The following RBFOX1 variants were observed in gnomAD, a reference collection of about 807,000 sequenced individuals.
RBFOX1 encodes RNA binding fox-1 homolog 1, also known as RNA binding protein fox-1 homolog 1.
In RBFOX1, 8 loss-of-function variants were observed where a neutral mutation model predicts 57.7. The ratio of observed to expected loss-of-function variants is 0.14; its 90% CI spans 0.08 to 0.25. The LOEUF is 0.25. RBFOX1 is among the 10% of genes least tolerant of loss of function. The probability of loss-of-function intolerance (pLI) is 1.00; values close to 1 mark genes in which losing one functional copy is unlikely to be tolerated. For synonymous variants in RBFOX1, 326 were observed against 222.4 expected, an observed-to-expected ratio of 1.47 and a Z score of -4.15; for missense variants, 611 against 548.5, an observed-to-expected ratio of 1.11 and a Z score of -1.14.
intron 10 of RBFOX1, among the ~76,000 whole-genome samples, chr16:7,613,643 T>C (rs1452088803): frequency 6.6e-6 from 1 of 152,162 alleles, no homozygotes; most frequent in Non-Finnish European, 1.5e-5. Context: ...GGTATTGGTT[T>C]TCTGTGGGCT....
At chr16:5,778,589 G>A (rs1567529629) in intron 3 of RBFOX1, among the ~76,000 whole-genome samples, 1 of 152,174 alleles carries the variant, frequency 6.6e-6, no homozygotes, top group Non-Finnish European at 1.5e-5. Context: ...CTTGCATGGC[G>A]TGCTGTGTCT....
chr16:5,659,588 C>T (rs1180369112), intron 3 of RBFOX1, among the ~76,000 whole-genome samples: 2 of 152,162 alleles, frequency 1.3e-5, no homozygotes, highest in Non-Finnish European at 2.9e-5. Flanking sequence ...CAGGTATGAG[C>T]CACACCGTGC....
chr16:7,675,264 T>C (rs2072927584), intron 13 of RBFOX1, among the ~76,000 whole-genome samples: 1 of 152,200 alleles, frequency 6.6e-6, no homozygotes, highest in Admixed American at 6.5e-5. Flanking sequence ...AGTGCTGTTA[T>C]AACTGCTTTG....
intron 4 of RBFOX1, among the ~76,000 whole-genome samples, chr16:7,163,337 T>C (rs1460264706): frequency 6.6e-6 from 1 of 152,138 alleles, no homozygotes; most frequent in Non-Finnish European, 1.5e-5. Flanking sequence ...ACCTTATCAA[T>C]CCAGAGCAAA....
intron 3 of RBFOX1, among the ~76,000 whole-genome samples, chr16:6,966,526 C>T (rs566971947): frequency 8.6e-5 from 13 of 151,950 alleles, no homozygotes; most frequent in Non-Finnish European, 1.5e-4. Flanking sequence ...CGGGGGAAGA[C>T]TGAGAGAGAT....
chr16:6,711,033 G>T (rs1313030769), intron 3 of RBFOX1, among the ~76,000 whole-genome samples: 1 of 152,194 alleles, frequency 6.6e-6, no homozygotes, highest in Non-Finnish European at 1.5e-5. Context: ...GATACAATCT[G>T]CCTTAAAGGT....
chr16:5,395,092 C>T (rs1034649508), intron 1 of RBFOX1, among the ~76,000 whole-genome samples: 1 of 152,186 alleles, frequency 6.6e-6, no homozygotes, highest in Non-Finnish European at 1.5e-5. Flanking sequence ...TGTGGTTTGC[C>T]AAGCATGGTT....
chr16:6,406,451 C>G (rs2093283290), intron 2 of RBFOX1, among the ~76,000 whole-genome samples: 1 of 152,016 alleles, frequency 6.6e-6, no homozygotes, highest in Admixed American at 6.5e-5. Context: ...GAGTTCTTTG[C>G]TATTAAAAAT....
intron 2 of RBFOX1, among the ~76,000 whole-genome samples, chr16:6,519,960 C>T (rs2096466584): frequency 6.6e-6 from 1 of 152,158 alleles, no homozygotes; most frequent in African/African-American, 2.4e-5. Context: ...TGCTTTGGGT[C>T]AGTAGGCATG....
intron 4 of RBFOX1, among the ~76,000 whole-genome samples, chr16:7,350,228 T>G (rs1358979536): frequency 6.6e-6 from 1 of 152,114 alleles, no homozygotes. Flanking sequence ...AGAGCTCAGA[T>G]CTGATTGACA....
chr16:6,408,679 G>A lies in RBFOX1; in HGVS notation c.-64+91622G>A, dbSNP rs117427091. 5.3e-5 allele frequency among the ~76,000 whole-genome samples: 8 copies of A among 152,280 alleles called. No homozygotes were observed. In the East Asian group the frequency reaches 1.5e-3, roughly 29 times the overall value. ...CTGACACCGTAGTGTTATGTTGTCT[G>A]TAACATGTTTTGTTACGGTTTTAGC... On this transcript the variant is annotated intron_variant, in intron 2 of 15. Coordinates refer to ENST00000550418, the MANE Select transcript of RBFOX1 (RefSeq NM_018723.4).
At chr16:6,008,941 G>T (rs369873277) in intron 4 of RBFOX1, among the ~76,000 whole-genome samples, 1 of 152,132 alleles carries the variant, frequency 6.6e-6, no homozygotes, top group Non-Finnish European at 1.5e-5. Context: ...TCAAATAGAC[G>T]GATGGCTTTC....
chr16:7,197,633 A>G (rs1370991426), intron 4 of RBFOX1, among the ~76,000 whole-genome samples: 2 of 152,202 alleles, frequency 1.3e-5, no homozygotes, highest in Non-Finnish European at 2.9e-5. Flanking sequence ...AGAAATGTTC[A>G]TCACAGCATT....
chr16:7,013,532 T>C (rs1033702631), intron 3 of RBFOX1, among the ~76,000 whole-genome samples: 1 of 152,172 alleles, frequency 6.6e-6, no homozygotes, highest in African/African-American at 2.4e-5. Flanking sequence ...AGCAAAGAAT[T>C]GTCTGTATCA....
At chr16:5,940,541 A>G (rs920891136) in intron 4 of RBFOX1, among the ~76,000 whole-genome samples, 5 of 152,208 alleles carry the variant, frequency 3.3e-5, no homozygotes, top group African/African-American at 1.2e-4. Context: ...GGTTTGTAGA[A>G]TTTTAATGAC....
chr16:6,969,876 G>T (rs570656022), intron 3 of RBFOX1, among the ~76,000 whole-genome samples: 3 of 152,188 alleles, frequency 2.0e-5, no homozygotes, highest in African/African-American at 7.2e-5. Flanking sequence ...CTAATTGATG[G>T]GTATGCAATG....
At chr16:7,402,195 T>A (rs1012210330) in intron 4 of RBFOX1, among the ~76,000 whole-genome samples, 1 of 152,090 alleles carries the variant, frequency 6.6e-6, no homozygotes, top group African/African-American at 2.4e-5. Context: ...TCTTTGAAAA[T>A]ACATTTAAGT....
chr16:5,629,587 G>A (rs1267967000), intron 3 of RBFOX1, among the ~76,000 whole-genome samples: 1 of 152,192 alleles, frequency 6.6e-6, no homozygotes, highest in African/African-American at 2.4e-5. Context: ...TTTAGCTTAG[G>A]ACCAATGCCT....
chr16:7,002,546 T>C (rs1428283972), intron 3 of RBFOX1, among the ~76,000 whole-genome samples: 4 of 152,106 alleles, frequency 2.6e-5, no homozygotes, highest in South Asian at 4.2e-4. Flanking sequence ...ACCCCGTCTC[T>C]ACTAAAAATA....
Sources: allele counts gnomAD v4.1 joint callset (sites outside exome capture counted in the v4.1 genomes callset), GRCh38; gene constraint gnomAD v4.1.1; transcripts MANE v1.5; gene names NCBI Gene and HGNC (gene_info 2026-07-23, HGNC 2026-07-21).